Variants in NCALD observed in about 807,000 individuals in gnomAD.
NCALD encodes neurocalcin-delta.
In NCALD, 10 loss-of-function variants were observed where a neutral mutation model predicts 18.6. That is an observed-to-expected ratio of 0.54 (90% CI 0.33 to 0.91). The LOEUF (loss-of-function observed/expected upper bound fraction) is 0.91. NCALD is among the 40% of genes least tolerant of loss of function. NCALD has a pLI of 0.03. For synonymous variants in NCALD, 88 were observed against 87.4 expected, an observed-to-expected ratio of 1.01 and a Z score of -0.04; for missense variants, 184 against 247.6, an observed-to-expected ratio of 0.74 and a Z score of 1.72.
intron 3 of NCALD, among the ~76,000 whole-genome samples, chr8:101,907,323 C>T (rs1218157229): frequency 6.6e-6 from 1 of 152,036 alleles, no homozygotes; most frequent in Non-Finnish European, 1.5e-5. Flanking sequence ...TACTTTAATG[C>T]CATTTTCACT....
At chr8:101,742,640 A>G (rs567670218) in intron 1 of NCALD, among the ~76,000 whole-genome samples, 1 of 152,274 alleles carries the variant, frequency 6.6e-6, no homozygotes, top group Admixed American at 6.5e-5. Context: ...AGTTTGATAA[A>G]CTGATCCTCA....
At chr8:101,954,580 CAA>C (rs955289961) in intron 2 of NCALD, among the ~76,000 whole-genome samples, 4 of 152,154 alleles carry the variant, frequency 2.6e-5, no homozygotes, top group African/African-American at 9.7e-5. Flanking sequence ...CAATAACAAA[CAA>C]GAGCAATTTG....
rs773451699 is a variant in NCALD, at chr8:101,692,665, C to G, written c.484+126G>C. On this transcript the variant is annotated intron_variant, in intron 3 of 3. Transcript: ENST00000220931. ...CCACCTGGTCCTCTCCCCTCCTACC[C>G]ACCCAGGAGGCTTGGAGGATGAGCC... The G allele has an allele frequency of 2.9e-6, 4 of 1,379,160 alleles. No individual in the cohort carries two copies. The African/African-American group carries it at 5.8e-5, about 20-fold the overall frequency. 85.4% of individuals were successfully genotyped at this position (1,379,160 alleles called of 1,614,324 possible).
chr8:102,040,471 CA>C (rs60568830), intron 1 of NCALD, among the ~76,000 whole-genome samples: 48 of 135,670 alleles, frequency 3.5e-4, no homozygotes, highest in Non-Finnish European at 3.1e-4. Flanking sequence ...GAGAATCCAT[CA>C]AAAAAAAAAA....
intron 1 of NCALD, among the ~76,000 whole-genome samples, chr8:102,085,005 G>A (rs963028863): frequency 1.1e-4 from 17 of 152,118 alleles, no homozygotes; most frequent in African/African-American, 3.9e-4. Context: ...AAATCTGCAG[G>A]TGTCCGTATC....
chr8:101,789,809 G>C lies in NCALD; in HGVS notation c.-20+1053C>G, dbSNP rs16868452. 7.2e-3 allele frequency among the ~76,000 whole-genome samples: 1,095 copies of C among 152,116 alleles called. 13 individuals are homozygous for C. The highest frequency in any genetic ancestry group is 0.024 in the African/African-American group (981 of 41,482). ...AGTACTACAGGTATTCTTTAAATTAGAAGCTCCAAAACAATTCAACCTGTA... is the reference window on the plus strand; with the variant it reads ...AGTACTACAGGTATTCTTTAAATTACAAGCTCCAAAACAATTCAACCTGTA... On this transcript the variant is annotated intron_variant, in intron 1 of 3. Transcript: ENST00000220931.
At chr8:101,696,759 C>T (rs1385637132) in intron 2 of NCALD, among the ~76,000 whole-genome samples, 1 of 152,118 alleles carries the variant, frequency 6.6e-6, no homozygotes, top group Non-Finnish European at 1.5e-5. Flanking sequence ...GAAAAGTAGT[C>T]ATTTGCAACA....
intron 4 of NCALD, among the ~76,000 whole-genome samples, chr8:101,833,188 T>C (rs1814257982): frequency 6.6e-6 from 1 of 152,184 alleles, no homozygotes; most frequent in South Asian, 2.1e-4. Context: ...AATTTTAATG[T>C]GTACACAGAT....
At chr8:101,772,131 A>G (rs1234512363) in intron 1 of NCALD, among the ~76,000 whole-genome samples, 1 of 152,228 alleles carries the variant, frequency 6.6e-6, no homozygotes, top group East Asian at 1.9e-4. Flanking sequence ...CAAAAACTGT[A>G]GGAGTTGGGG....
rs1188958231 is a variant in NCALD, at chr8:101,893,960, C to G, written c.-106-6733G>C. ...GTCAACATTAGACAGATCAATGAGA[C>G]AGAAAGTCAACAAGGATACCCAGGA... On this transcript the variant is annotated intron_variant, in intron 3 of 6. Coordinates refer to the NCALD transcript ENST00000311028. 2.0e-5 allele frequency among the ~76,000 whole-genome samples: 3 copies of G among 146,874 alleles called. 1 individual carries two copies. The highest frequency in any genetic ancestry group is 8.1e-5 in the African/African-American group (3 of 36,886).
intron 1 of NCALD, among the ~76,000 whole-genome samples, chr8:102,021,241 GAATT>G (rs1401092471): frequency 6.6e-6 from 1 of 152,082 alleles, no homozygotes; most frequent in Non-Finnish European, 1.5e-5. Flanking sequence ...TTGAGCAAAA[GAATT>G]AATAGAGCTA....
chr8:101,830,900 G>T (rs192196612), intron 4 of NCALD, among the ~76,000 whole-genome samples: 2 of 152,074 alleles, frequency 1.3e-5, no homozygotes, highest in African/African-American at 4.8e-5. Context: ...GTAAGGAAGA[G>T]AATAAAATCA....
chr8:102,084,601 G>A (rs188712734), intron 1 of NCALD, among the ~76,000 whole-genome samples: 1 of 152,286 alleles, frequency 6.6e-6, no homozygotes, highest in East Asian at 1.9e-4. Context: ...CCAGCACTTG[G>A]GAGGGGCGCC....
intron 2 of NCALD, among the ~76,000 whole-genome samples, chr8:101,715,580 G>A (rs1302137232): frequency 6.6e-6 from 1 of 151,874 alleles, no homozygotes; most frequent in Non-Finnish European, 1.5e-5. Flanking sequence ...TCTGACAAAG[G>A]GCTAATATCC....
At chr8:101,714,772 G>A (rs375496200) in intron 2 of NCALD, among the ~76,000 whole-genome samples, 1 of 150,190 alleles carries the variant, frequency 6.7e-6, no homozygotes, top group African/African-American at 2.5e-5. Context: ...CGAGGCGGGT[G>A]GATCATGAGG....
At chr8:101,733,194 G>A (rs9297309) in intron 1 of NCALD, among the ~76,000 whole-genome samples, 18,754 of 152,146 alleles carry the variant, frequency 0.12, 3,560 homozygotes, top group African/African-American at 0.41. Flanking sequence ...TCAAACTTAC[G>A]AAAATATTAA....
At chr8:101,698,165 A>T (rs955311232) in intron 2 of NCALD, among the ~76,000 whole-genome samples, 14 of 152,166 alleles carry the variant, frequency 9.2e-5, no homozygotes, top group African/African-American at 3.4e-4. Context: ...TCCAAATAAA[A>T]ATGAACTCCC....
chr8:101,702,273 C>T (rs1221578836), intron 2 of NCALD, among the ~76,000 whole-genome samples: 5 of 151,848 alleles, frequency 3.3e-5, no homozygotes, highest in African/African-American at 1.2e-4. Context: ...CTCTGTCTCC[C>T]AGGCTGGAAT....
chr8:101,759,569 C>T (rs1811028408), intron 1 of NCALD, among the ~76,000 whole-genome samples: 1 of 152,188 alleles, frequency 6.6e-6, no homozygotes, highest in Non-Finnish European at 1.5e-5. Flanking sequence ...TGCCTGCTGT[C>T]AGGGCTAGGA....
Sources: gnomAD v4.1 joint callset for allele counts (sites outside exome capture counted in the v4.1 genomes callset) on GRCh38, gnomAD v4.1.1 for gene constraint, MANE v1.5 for transcripts, NCBI Gene and HGNC (gene_info 2026-07-23, HGNC 2026-07-21) for gene names.